SGPP2: variants seen among roughly 807,000 people sequenced by gnomAD.
The protein encoded by SGPP2 is sphingosine 1-phosphate phosphohydrolase 2.
A neutral mutation model predicts 33.9 loss-of-function variants in SGPP2; 30 were observed. The ratio of observed to expected loss-of-function variants is 0.89; its 90% confidence interval spans 0.66 to 1.20. The LOEUF (loss-of-function observed/expected upper bound fraction) is 1.20. Ranked by LOEUF, SGPP2 falls within the 50% of genes most tolerant of loss-of-function variation. The pLI is 0.00. For synonymous variants in SGPP2, 233 were observed against 225.0 expected (o/e 1.04, Z -0.32); for missense variants, 458 against 532.1 (o/e 0.86, Z 1.37).
intron 4 of SGPP2, among the ~76,000 whole-genome samples, chr2:222,553,481 G>A (rs892851572): frequency 1.3e-5 from 2 of 152,136 alleles, no homozygotes; most frequent in Admixed American, 6.5e-5. Context: ...TAGTATTTCC[G>A]AGTTTTCTAT....
chr2:222,444,421 G>A (rs977431264), intron 1 of SGPP2, among the ~76,000 whole-genome samples: 5 of 152,106 alleles, frequency 3.3e-5, no homozygotes, highest in African/African-American at 1.2e-4. Flanking sequence ...CTGAGTTGTG[G>A]AAATTTTTAG....
At chr2:222,485,723 C>T (rs1262748234) in intron 2 of SGPP2, among the ~76,000 whole-genome samples, 1 of 152,210 alleles carries the variant, frequency 6.6e-6, no homozygotes, top group Non-Finnish European at 1.5e-5. Flanking sequence ...TTCATCTTCC[C>T]CACACCCCAG....
intron 2 of SGPP2, among the ~76,000 whole-genome samples, chr2:222,500,380 C>G (rs1000405184): frequency 6.6e-6 from 1 of 151,994 alleles, no homozygotes; most frequent in African/African-American, 2.4e-5. Flanking sequence ...AGGGAGGGAG[C>G]AATGAGGAGT....
intron 4 of SGPP2, among the ~76,000 whole-genome samples, chr2:222,556,087 G>C (rs1240373925): frequency 6.6e-6 from 1 of 152,192 alleles, no homozygotes; most frequent in Non-Finnish European, 1.5e-5. Context: ...AACAGCCAAT[G>C]AATGTCCAGT....
At chr2:222,537,345 T>C (rs945679259) in intron 4 of SGPP2, among the ~76,000 whole-genome samples, 3 of 152,094 alleles carry the variant, frequency 2.0e-5, no homozygotes, top group Non-Finnish European at 4.4e-5. Context: ...ATAAATGTAA[T>C]AGGTGATAGA....
At chr2:222,546,228 G>A (rs1022257130) in intron 4 of SGPP2, among the ~76,000 whole-genome samples, 8 of 152,110 alleles carry the variant, frequency 5.3e-5, no homozygotes, top group Non-Finnish European at 1.2e-4. Context: ...ATGTGCATAG[G>A]CCTGTGGCAT....
chr2:222,454,675 G>T (rs1307347475), intron 1 of SGPP2, among the ~76,000 whole-genome samples: 2 of 151,234 alleles, frequency 1.3e-5, no homozygotes, highest in East Asian at 3.9e-4. Context: ...ACTCAGGCAA[G>T]TGTGAGCCTC....
intron 1 of SGPP2, among the ~76,000 whole-genome samples, chr2:222,428,733 C>T (rs549821474): frequency 1.3e-5 from 2 of 150,500 alleles, no homozygotes; most frequent in Admixed American, 6.6e-5. Context: ...CTCTGAACCT[C>T]GGTTGTCCCA....
At chr2:222,558,218 T>G in intron 4 of SGPP2, 129 bp from the exon 5 acceptor site, 1 of 1,020,560 alleles carries the variant, frequency 9.8e-7, no homozygotes, top group Non-Finnish European at 1.4e-6. Flanking sequence ...TCTTTGAACA[T>G]GTACTGTAAA....
chr2:222,449,582 G>A (rs1017299130), intron 1 of SGPP2, among the ~76,000 whole-genome samples: 1 of 150,916 alleles, frequency 6.6e-6, no homozygotes, highest in East Asian at 2.0e-4. Context: ...TGATTCTCCT[G>A]CCTCAGCCTC....
intron 1 of SGPP2, among the ~76,000 whole-genome samples, chr2:222,472,486 C>G (rs1574848268): frequency 6.6e-6 from 1 of 152,012 alleles, no homozygotes; most frequent in Non-Finnish European, 1.5e-5. Context: ...AAAGACAAAT[C>G]TTAGGTTCTG....
At chr2:222,520,812 G>A (rs1316057374) in intron 2 of SGPP2, among the ~76,000 whole-genome samples, 1 of 151,392 alleles carries the variant, frequency 6.6e-6, no homozygotes, top group Non-Finnish European at 1.5e-5. Context: ...GCAGTGCAGT[G>A]GCTCCAATCT....
At chr2:222,555,118 T>C (rs935255750) in intron 4 of SGPP2, among the ~76,000 whole-genome samples, 5 of 152,136 alleles carry the variant, frequency 3.3e-5, no homozygotes, top group Admixed American at 2.0e-4. Context: ...TATGTATCCC[T>C]TGGAGCTTGA....
chr2:222,489,601 A>G (rs1009005178), intron 2 of SGPP2, among the ~76,000 whole-genome samples: 32 of 152,142 alleles, frequency 2.1e-4, no homozygotes, highest in African/African-American at 7.7e-4. Flanking sequence ...CTTCTAATCT[A>G]CAAAGAATGG....
chr2:222,426,142 G>A (rs1348826735), intron 1 of SGPP2, among the ~76,000 whole-genome samples: 1 of 149,018 alleles, frequency 6.7e-6, no homozygotes, highest in Admixed American at 6.7e-5. Flanking sequence ...AGCTTGAGGC[G>A]GAGGTTGCAG....
chr2:222,467,829 C>T (rs964548308), intron 1 of SGPP2, among the ~76,000 whole-genome samples: 2 of 151,294 alleles, frequency 1.3e-5, no homozygotes, highest in African/African-American at 4.9e-5. Context: ...TCCAATTAAA[C>T]TGGATGGCTT....
chr2:222,432,506 G>T (rs571389069), intron 1 of SGPP2, among the ~76,000 whole-genome samples: 1 of 152,334 alleles, frequency 6.6e-6, no homozygotes, highest in South Asian at 2.1e-4. Context: ...ACATGGCTTG[G>T]CATGGGGACG....
At chr2:222,536,340 C>T (rs1241513493) in intron 4 of SGPP2, among the ~76,000 whole-genome samples, 1 of 152,196 alleles carries the variant, frequency 6.6e-6, no homozygotes, top group Admixed American at 6.5e-5. Flanking sequence ...GTAATATACT[C>T]TATTTTAGCT....
chr2:222,427,557 C>T (rs756650725), intron 1 of SGPP2, among the ~76,000 whole-genome samples: 7 of 152,006 alleles, frequency 4.6e-5, no homozygotes, highest in East Asian at 1.9e-4. Context: ...AAATTATAGA[C>T]GTCAGTCACT....
Sources: allele counts gnomAD v4.1 joint callset (sites outside exome capture counted in the v4.1 genomes callset), GRCh38; gene constraint gnomAD v4.1.1; transcripts MANE v1.5; gene names NCBI Gene and HGNC (gene_info 2026-07-23, HGNC 2026-07-21).